SHF: variants seen among roughly 807,000 people sequenced by gnomAD.
SHF encodes SH2 domain-containing adapter protein F.
SHF carries 30 observed loss-of-function variants against 42.4 expected under a neutral mutation model. The observed-to-expected ratio is 0.71, with a 90% CI of 0.53 to 0.96. SHF has a LOEUF of 0.96. Ranked by LOEUF, SHF falls within the 40% of genes least tolerant of loss-of-function variation. The pLI is 0.00. For missense variants in SHF, 598 were observed against 634.0 expected (o/e 0.94, Z 0.61); for synonymous variants, 264 against 269.9 (o/e 0.98, Z 0.21).
intron 2 of SHF, chr15:45,198,615 TCGGATTCGAACCGAGGTTGC>T: frequency 1.1e-6 from 1 of 873,080 alleles, no homozygotes. Context: ...ATGCCGTGAC[TCGGATTCGAACCGAGGTTGC>T]TGCGGCCACA....
At position 45,200,379 on chromosome 15, in the gene SHF, A is replaced by G. The variant is rs188634829; in HGVS notation, c.-47+348T>C. ...ATTAAAAACGGATTGGTACAATAAA[A>G]CAAACTCCCCTTGCCGTGCCATTGT... On this transcript the variant is annotated intron_variant, in intron 1 of 7. Coordinates refer to the SHF transcript ENST00000290894. 1.8e-3 allele frequency: 375 copies of G among 208,262 alleles called. 3 individuals are homozygous for G. Among genetic ancestry groups the G allele is most frequent in the South Asian group, 6.3e-3 (83 of 13,180 alleles). 12.9% of individuals were successfully genotyped at this position (208,262 alleles called of 1,614,324 possible). A position where few individuals can be genotyped will look rare whatever the true frequency, so the allele number is the denominator to read the frequency against.
At chr15:45,179,644 G>A (rs981803227) in intron 1 of SHF, among the ~76,000 whole-genome samples, 2 of 152,218 alleles carry the variant, frequency 1.3e-5, no homozygotes, top group Admixed American at 6.5e-5. Flanking sequence ...CTGATGGGGC[G>A]CTGGCTGAGG....
intron 2 of SHF, chr15:45,198,638 C>G (rs148091456): frequency 1.8e-6 from 2 of 1,132,616 alleles, no homozygotes; most frequent in Non-Finnish European, 2.4e-6. Flanking sequence ...GAGGTTGCTG[C>G]GGCCACAACG....
At chr15:45,171,684 T>C (rs554833740) in intron 6 of SHF, 199 bp downstream of exon 6, 65 of 619,184 alleles carry the variant, frequency 1.0e-4, no homozygotes, top group Non-Finnish European at 1.7e-4. Context: ...AGCTGGATGC[T>C]GCGGATCAAC....
chr15:45,169,871 G>C (rs1897380808), intron 6 of SHF, among the ~76,000 whole-genome samples: 1 of 152,228 alleles, frequency 6.6e-6, no homozygotes, highest in African/African-American at 2.4e-5. Context: ...GACCAGCTGG[G>C]CTGCAGGACC....
chr15:45,191,240 G>C (rs1898701306), upstream of SHF, among the ~76,000 whole-genome samples: 1 of 152,130 alleles, frequency 6.6e-6, no homozygotes, highest in Admixed American at 6.5e-5. Context: ...TAAAGATGGG[G>C]CCTCAGTACG....
At chr15:45,198,442 A>G in intron 2 of SHF, 1 of 272,896 alleles carries the variant, frequency 3.7e-6, no homozygotes, top group Non-Finnish European at 6.9e-6. Context: ...GCTGTATCAG[A>G]GCATTACATG....
chr15:45,174,550 CA>C (rs1326135348), intron 3 of SHF: 1 of 152,452 alleles, frequency 6.6e-6, no homozygotes, highest in African/African-American at 2.4e-5. Flanking sequence ...AGTCGAATGG[CA>C]TTTGAGCCCT....
At chr15:45,200,697 C>T (rs753066682) in intron 1 of SHF, 1 of 455,956 alleles carries the variant, frequency 2.2e-6, no homozygotes, top group South Asian at 1.5e-5. Flanking sequence ...ATTTCTCCAC[C>T]GTGGAGGCTG....
chr15:45,193,676 T>A (rs574170242), intron 2 of SHF, among the ~76,000 whole-genome samples: 1 of 152,234 alleles, frequency 6.6e-6, no homozygotes, highest in Non-Finnish European at 1.5e-5. Flanking sequence ...CTTTTTAAAA[T>A]CTTTGTAGCT....
chr15:45,178,079 G>T, intron 2 of SHF, 86 bp downstream of exon 2: 1 of 1,490,686 alleles, frequency 6.7e-7, no homozygotes, highest in Non-Finnish European at 9.0e-7. Flanking sequence ...AGGGACCAAA[G>T]AATCAGTCCT....
chr15:45,195,110 G>T (rs1427890705), intron 2 of SHF, among the ~76,000 whole-genome samples: 2 of 152,106 alleles, frequency 1.3e-5, no homozygotes, highest in African/African-American at 4.8e-5. Context: ...GAAATTATAG[G>T]CATGAGCCAC....
chr15:45,168,097 T>C lies in SHF; in HGVS notation c.1317A>G (p.Arg439=). 1 of 1,609,404 alleles carries C rather than the reference T, an allele frequency of 6.2e-7. No individual in the cohort carries two copies. Among genetic ancestry groups the C allele is most frequent in the Non-Finnish European group, 8.5e-7 (1 of 1,177,296 alleles). Reference sequence around the variant, plus strand: ...CCAGCACATATTTGTGTTCCTTGGTTCGGGACAGCTTCATGTGCATGAATC... The same window carrying C: ...CCAGCACATATTTGTGTTCCTTGGTCCGGGACAGCTTCATGTGCATGAATC... The part of the protein sequence containing the change: ...SQGFMHMKLS[R]TKEHKYVLGQ... The change falls in exon 7 of 7, where the codon CGA becomes CGG. Residue 439 remains arginine (R), a synonymous_variant. Coordinates refer to ENST00000690270, the MANE Select transcript of SHF (RefSeq NM_001394037.1).
exon 1 of SHF, chr15:45,200,754 G>A (rs116879015): frequency 0.025 from 11,458 of 456,232 alleles, 163 homozygotes; most frequent in Non-Finnish European, 0.034. Flanking sequence ...TTGTATGGTG[G>A]TGGGTCAGAA....
intron 3 of SHF, 60 bp downstream of exon 3, chr15:45,175,159 C>A: frequency 6.5e-7 from 1 of 1,527,786 alleles, no homozygotes. Flanking sequence ...CTTCCATTCT[C>A]TTGAGCCTGG....
chr15:45,200,521 G>A (rs908058896), intron 1 of SHF: 12 of 358,084 alleles, frequency 3.4e-5, no homozygotes, highest in African/African-American at 2.6e-4. Flanking sequence ...CTTGTCGCCT[G>A]AACTCTTCTC....
chr15:45,189,577 A>T (rs996475142), upstream of SHF, among the ~76,000 whole-genome samples: 2 of 151,714 alleles, frequency 1.3e-5, no homozygotes, highest in Admixed American at 1.3e-4. Flanking sequence ...TTTAGTAGAG[A>T]TGGAGTTTCA....
intron 1 of SHF, chr15:45,200,674 G>C: frequency 2.2e-6 from 1 of 454,816 alleles, no homozygotes; most frequent in South Asian, 1.6e-5. Context: ...CTGCGCACCA[G>C]ACACGGTGGC....
At chr15:45,178,094 C>T (rs1897920525) in intron 2 of SHF, 71 bp downstream of exon 2, 2 of 1,543,692 alleles carry the variant, frequency 1.3e-6, no homozygotes, top group Non-Finnish European at 1.7e-6. Context: ...AGTCCTTAGA[C>T]TTGTGAGTCG....
Sources: allele counts gnomAD v4.1 joint callset (sites outside exome capture counted in the v4.1 genomes callset), GRCh38; gene constraint gnomAD v4.1.1; transcripts MANE v1.5; gene names NCBI Gene and HGNC (gene_info 2026-07-23, HGNC 2026-07-21).